EPHA4: variants seen among roughly 807,000 people sequenced by gnomAD.
The protein encoded by EPHA4 is ephrin type-A receptor 4.
In EPHA4, 19 loss-of-function variants were observed where a neutral mutation model predicts 108.3. That is an observed-to-expected ratio of 0.18 (90% CI 0.12 to 0.26). The LOEUF is 0.26. Among genes scored for constraint, EPHA4 ranks in the 10% least tolerant of loss-of-function variants. The pLI is 1.00. For missense variants in EPHA4, 917 were observed against 1,254.0 expected, an observed-to-expected ratio of 0.73 and a Z score of 4.06; for synonymous variants, 449 against 455.5, an observed-to-expected ratio of 0.99 and a Z score of 0.18.
At chr2:221,486,439 T>C (rs565468412) in intron 4 of EPHA4, among the ~76,000 whole-genome samples, 4 of 152,208 alleles carry the variant, frequency 2.6e-5, no homozygotes, top group African/African-American at 9.6e-5. Flanking sequence ...TCCTCAAGAA[T>C]TGATGTCTTG....
At position 221,569,876 on chromosome 2, in the gene EPHA4, C is replaced by G. The variant is rs1694775145; in HGVS notation, c.92-1091G>C. On this transcript the variant is annotated intron_variant, in intron 1 of 17. Transcript: ENST00000281821. Reference sequence around the variant, plus strand: ...CCTCAAAGTCAATGGAGTTAAAAATCAGTCTCTTTCCCCTACTTTTCCCGG... The same window carrying G: ...CCTCAAAGTCAATGGAGTTAAAAATGAGTCTCTTTCCCCTACTTTTCCCGG... Among the ~76,000 whole-genome samples, 4 of 152,252 alleles carry G rather than the reference C, an allele frequency of 2.6e-5. No individual in the cohort carries two copies. In the South Asian group the frequency reaches 8.3e-4, roughly 32 times the overall value.
chr2:221,473,014 G>A (rs1329365865), intron 5 of EPHA4, among the ~76,000 whole-genome samples: 1 of 152,108 alleles, frequency 6.6e-6, no homozygotes, highest in African/African-American at 2.4e-5. Context: ...CAGTGCTCTG[G>A]GTGCCAGCCC....
chr2:221,444,217 T>A (rs1275427124), intron 9 of EPHA4, among the ~76,000 whole-genome samples: 1 of 152,232 alleles, frequency 6.6e-6, no homozygotes, highest in African/African-American at 2.4e-5. Flanking sequence ...TATTCAAGTT[T>A]GCCAGAAAGT....
Position 221,456,677 on chromosome 2 carries a change from C to T in EPHA4, c.1539G>A (p.Val513=), listed in dbSNP as rs774299019. The T allele has an allele frequency of 1.8e-5, 29 of 1,613,768 alleles. 1 individual carries two copies. In the South Asian group the frequency reaches 2.6e-4, roughly 15 times the overall value. The change falls in exon 7 of 18, where the codon GTG becomes GTA. Residue 513 remains valine, a synonymous_variant. Coordinates refer to ENST00000281821, the MANE Select transcript of EPHA4 (RefSeq NM_004438.5). ...LNPLTSYVFH[V]RARTAAGYGD... The stretch of plus-strand genomic sequence containing the variant: ...CATAGCCAGCTGCTGTCCTGGCTCG[C>T]ACGTGGAAAACATAGGAAGTGAGAG...
chr2:221,479,186 CT>C (rs1691747523), intron 5 of EPHA4, among the ~76,000 whole-genome samples: 1 of 152,158 alleles, frequency 6.6e-6, no homozygotes, highest in South Asian at 2.1e-4. Flanking sequence ...TCATTATCTC[CT>C]AATTTTAAAG....
chr2:221,456,046 G>T (rs973308445), intron 7 of EPHA4, among the ~76,000 whole-genome samples: 1 of 151,780 alleles, frequency 6.6e-6, no homozygotes, highest in South Asian at 2.1e-4. Flanking sequence ...ATTGATTACC[G>T]GGATGGAGGT....
chr2:221,509,205 G>C (rs534786831), intron 3 of EPHA4, among the ~76,000 whole-genome samples: 83 of 152,288 alleles, frequency 5.5e-4, no homozygotes, highest in African/African-American at 1.9e-3. Context: ...GCCCCTGCCT[G>C]TAATCCCAGC....
At chr2:221,451,175 T>C (rs531842479) in intron 8 of EPHA4, among the ~76,000 whole-genome samples, 2 of 152,294 alleles carry the variant, frequency 1.3e-5, no homozygotes, top group Non-Finnish European at 2.9e-5. Flanking sequence ...GACTGAGTTA[T>C]TGCATGCCAG....
At chr2:221,566,708 C>G (rs549988192) in intron 2 of EPHA4, among the ~76,000 whole-genome samples, 2 of 150,812 alleles carry the variant, frequency 1.3e-5, no homozygotes, top group Non-Finnish European at 2.9e-5. Flanking sequence ...TTAAATAGAC[C>G]TCAAGTCAAC....
intron 3 of EPHA4, among the ~76,000 whole-genome samples, chr2:221,518,954 A>G (rs552689933): frequency 6.6e-6 from 1 of 152,348 alleles, no homozygotes; most frequent in African/African-American, 2.4e-5. Flanking sequence ...GTAGTTTTGA[A>G]AAGTTAAAAT....
intron 3 of EPHA4, among the ~76,000 whole-genome samples, chr2:221,545,281 A>C (rs1693960833): frequency 6.6e-6 from 1 of 152,142 alleles, no homozygotes; most frequent in African/African-American, 2.4e-5. Context: ...CTTCCTGGCT[A>C]ACATGGTGAA....
At chr2:221,568,433 AT>A (rs1321416748) in intron 2 of EPHA4, among the ~76,000 whole-genome samples, 1 of 152,112 alleles carries the variant, frequency 6.6e-6, no homozygotes, top group Non-Finnish European at 1.5e-5. Context: ...CCCGGATCAT[AT>A]TTCCTGTTGG....
At chr2:221,491,886 C>T (rs750514346) in intron 4 of EPHA4, among the ~76,000 whole-genome samples, 4 of 152,016 alleles carry the variant, frequency 2.6e-5, no homozygotes, top group Middle Eastern at 3.4e-3. Flanking sequence ...TGTGGTGGCT[C>T]GTTTCTGTAA....
At chr2:221,540,345 C>A (rs1574645979) in intron 3 of EPHA4, among the ~76,000 whole-genome samples, 2 of 152,238 alleles carry the variant, frequency 1.3e-5, no homozygotes, top group African/African-American at 2.4e-5. Flanking sequence ...GTCTGCACTG[C>A]AGCCAGTGAA....
intron 5 of EPHA4, among the ~76,000 whole-genome samples, chr2:221,480,580 T>C (rs1314018539): frequency 2.6e-5 from 4 of 152,210 alleles, no homozygotes. Context: ...CTCATGTTTC[T>C]ATCAAAAACT....
chr2:221,439,889 G>A (rs923240916), intron 11 of EPHA4, among the ~76,000 whole-genome samples: 1 of 152,118 alleles, frequency 6.6e-6, no homozygotes, highest in African/African-American at 2.4e-5. Flanking sequence ...AGTTACTCAA[G>A]TAACTGCTGG....
intron 8 of EPHA4, among the ~76,000 whole-genome samples, chr2:221,452,394 A>G (rs565434975): frequency 4.4e-4 from 67 of 152,304 alleles, no homozygotes; most frequent in Middle Eastern, 3.4e-3. Flanking sequence ...TTGTCCTCTC[A>G]CGAAAAGCCT....
intron 4 of EPHA4, among the ~76,000 whole-genome samples, chr2:221,491,850 T>C (rs1187284510): frequency 1.3e-5 from 2 of 152,022 alleles, no homozygotes; most frequent in African/African-American, 2.4e-5. Flanking sequence ...TAAATGTTGA[T>C]AGCAAAGAAG....
intron 3 of EPHA4, among the ~76,000 whole-genome samples, chr2:221,508,374 C>T (rs1035166194): frequency 2.6e-5 from 4 of 151,972 alleles, no homozygotes; most frequent in African/African-American, 9.7e-5. Context: ...AGGTCAGAAG[C>T]TTGAGACCAG....
Sources: gnomAD v4.1 joint callset for allele counts (sites outside exome capture counted in the v4.1 genomes callset) on GRCh38, gnomAD v4.1.1 for gene constraint, MANE v1.5 for transcripts, NCBI Gene and HGNC (gene_info 2026-07-23, HGNC 2026-07-21) for gene names.